NOP14: variants seen among roughly 807,000 people sequenced by gnomAD.
The protein encoded by NOP14 is NOP14 nucleolar protein.
In NOP14, 57 loss-of-function variants were observed where a neutral mutation model predicts 101.6. The observed-to-expected ratio is 0.56, with a 90% CI of 0.45 to 0.70. NOP14 has a LOEUF of 0.70. Among genes scored for constraint, NOP14 ranks in the 30% least tolerant of loss-of-function variants. The probability of loss-of-function intolerance (pLI) is 0.00; values close to 1 mark genes in which losing one functional copy is unlikely to be tolerated. For missense variants in NOP14, 1,134 were observed against 1,075.5 expected (o/e 1.05, Z -0.76); for synonymous variants, 428 against 424.0 (o/e 1.01, Z -0.12).
chr4:2,951,703 C>T (rs1042497525), intron 6 of NOP14, among the ~76,000 whole-genome samples: 1 of 152,206 alleles, frequency 6.6e-6, no homozygotes, highest in Non-Finnish European at 1.5e-5. Flanking sequence ...GCAGCCCACA[C>T]CTGTAACCCC....
intron 11 of NOP14, among the ~76,000 whole-genome samples, chr4:2,946,169 T>TCA (rs747878297): frequency 1.0e-5 from 1 of 97,628 alleles, no homozygotes; most frequent in East Asian, 2.6e-4. Flanking sequence ...TGCCGTGCAC[T>TCA]CTCCAGATCA....
intron 9 of NOP14, among the ~76,000 whole-genome samples, chr4:2,947,920 C>T (rs1405217725): frequency 6.6e-6 from 1 of 152,256 alleles, no homozygotes; most frequent in Non-Finnish European, 1.5e-5. Flanking sequence ...CAGGCAATAT[C>T]CACCATTCAC....
intron 5 of NOP14, 25 bp downstream of exon 5, chr4:2,953,486 G>A: frequency 1.2e-6 from 2 of 1,613,096 alleles, no homozygotes; most frequent in Non-Finnish European, 1.7e-6. Context: ...TGAGTGAAGA[G>A]TTTGTTTCAG....
chr4:2,950,902 G>T, intron 7 of NOP14: 3 of 474,672 alleles, frequency 6.3e-6, no homozygotes, highest in South Asian at 3.0e-5. Context: ...GAAAGAGAGC[G>T]TGAGCAAGTG....
intron 9 of NOP14, 66 bp downstream of exon 9, chr4:2,948,212 T>A: frequency 6.6e-7 from 1 of 1,511,088 alleles, no homozygotes; most frequent in Non-Finnish European, 8.8e-7. Flanking sequence ...CTTCACACAA[T>A]TCTGGCATTC....
At chr4:2,951,081 G>C in intron 7 of NOP14, 33 bp downstream of exon 7, 1 of 1,551,056 alleles carries the variant, frequency 6.4e-7, no homozygotes, top group Non-Finnish European at 8.7e-7. Flanking sequence ...TAAAAAAAGA[G>C]AGAGAAAGAG....
chr4:2,938,989 CCT>C (rs907098070), intron 17 of NOP14, 59 bp from the exon 18 acceptor site: 8 of 1,520,366 alleles, frequency 5.3e-6, no homozygotes, highest in Middle Eastern at 1.7e-4. Context: ...AGCATCTTGC[CCT>C]CTCTCTCCCA....
At chr4:2,944,510 G>A (rs755755310) in intron 12 of NOP14, among the ~76,000 whole-genome samples, 10 of 152,150 alleles carry the variant, frequency 6.6e-5, no homozygotes, top group African/African-American at 2.2e-4. Flanking sequence ...GGGTTCAAGT[G>A]ATTTTCCTGC....
intron 12 of NOP14, 90 bp from the exon 13 acceptor site, chr4:2,944,316 C>T: frequency 8.4e-7 from 1 of 1,196,992 alleles, no homozygotes; most frequent in Non-Finnish European, 1.2e-6. Context: ...AACCACGCAC[C>T]CCACTGAGCT....
Position 2,939,335 on chromosome 4 carries a change from A to G in NOP14, c.2327T>C (p.Phe776Ser), listed in dbSNP as rs1368081416. ...CTTACTACTGCCTTGTTTTCTTCCA[A>G]ACTCGAGGCTACAACCAGAAAGCCA... is the stretch of plus-strand genomic sequence containing the variant. ...FTPRLVKVLE[F>S]GRKQGSSKEE... Residue 776 changes from phenylalanine (F) to serine (S), a missense_variant, in exon 17 of 18, where the codon TTT becomes TCT. Phe to Ser is a radical substitution (Grantham distance 155, BLOSUM62 -2). Coordinates refer to ENST00000416614, the MANE Select transcript of NOP14 (RefSeq NM_001291978.2). The G allele has an allele frequency of 6.2e-7, 1 of 1,613,796 alleles. No homozygotes were observed. Among genetic ancestry groups the G allele is most frequent in the African/African-American group, 1.3e-5 (1 of 74,870 alleles).
intron 6 of NOP14, among the ~76,000 whole-genome samples, chr4:2,951,605 C>T (rs1488193574): frequency 1.3e-5 from 2 of 152,104 alleles, no homozygotes; most frequent in Admixed American, 1.3e-4. Context: ...AGCAGCTCCA[C>T]GGCCTCCACT....
intron 4 of NOP14, 93 bp from the exon 5 acceptor site, chr4:2,953,738 T>C (rs1475975): frequency 0.4 from 578,782 of 1,435,040 alleles, 122,498 homozygotes; most frequent in African/African-American, 0.63. Flanking sequence ...CACACAGTGA[T>C]CACTCAGTTG....
intron 13 of NOP14, 128 bp from the exon 14 acceptor site, chr4:2,942,479 G>A (rs1714284310): frequency 1.0e-6 from 1 of 995,958 alleles, no homozygotes; most frequent in African/African-American, 1.6e-5. Context: ...TTTCTGGGTT[G>A]TGCCAGACAC....
At chr4:2,960,414 T>C (rs886178011) in intron 1 of NOP14, among the ~76,000 whole-genome samples, 2 of 152,148 alleles carry the variant, frequency 1.3e-5, no homozygotes, top group South Asian at 2.1e-4. Context: ...TATGATTCTA[T>C]GGGTAAATCT....
chr4:2,950,936 CTT>C (rs1714987813), intron 7 of NOP14, 176 bp downstream of exon 7: 4 of 572,230 alleles, frequency 7.0e-6, no homozygotes, highest in Non-Finnish European at 1.2e-5. Flanking sequence ...TTGTTAAAGT[CTT>C]CTCTCTAAAG....
At position 2,942,276 on chromosome 4, in the gene NOP14, A is replaced by G. The variant is rs376428719; in HGVS notation, c.1967T>C (p.Val656Ala). The change falls in exon 14 of 18, where the codon GTG (valine) becomes GCG (alanine). Residue 656 changes from valine to alanine, a missense_variant. By Grantham distance (64) the Val-to-Ala change is moderately conservative (BLOSUM62 0). Coordinates refer to ENST00000416614, the MANE Select transcript of NOP14 (RefSeq NM_001291978.2). ...ELLVVSAREDVATWQQSSLSL... is the reference protein window; with the variant it reads ...ELLVVSAREDAATWQQSSLSL... ...GAGGCTGCTCTGCTGCCACGTGGCC[A>G]CATCCTCTCTAGCAGACACCACGAG... is the stretch of plus-strand genomic sequence containing the variant. 22 of 1,614,022 alleles carry G rather than the reference A, an allele frequency of 1.4e-5. No individual in the cohort carries two copies. In the African/African-American group the frequency reaches 2.3e-4, roughly 17 times the overall value.
chr4:2,956,855 T>A, intron 2 of NOP14, 44 bp from the exon 3 acceptor site: 1 of 1,518,122 alleles, frequency 6.6e-7, no homozygotes, highest in African/African-American at 1.4e-5. Flanking sequence ...CCACTTCCAT[T>A]TCACAGCAAA....
At chr4:2,963,090 C>G (rs1560316587) in intron 1 of NOP14, 35 bp downstream of exon 1, 2 of 1,504,860 alleles carry the variant, frequency 1.3e-6, no homozygotes, top group Non-Finnish European at 1.8e-6. Context: ...GGGTCCAGAT[C>G]CTGCCTTCCG....
At chr4:2,958,040 G>A (rs1715470418) in intron 1 of NOP14, among the ~76,000 whole-genome samples, 2 of 152,152 alleles carry the variant, frequency 1.3e-5, no homozygotes, top group Admixed American at 6.5e-5. Flanking sequence ...GGCTCCCTCG[G>A]CTGTAACAGC....
Sources: gnomAD v4.1 joint callset for allele counts (sites outside exome capture counted in the v4.1 genomes callset) on GRCh38, gnomAD v4.1.1 for gene constraint, MANE v1.5 for transcripts, NCBI Gene and HGNC (gene_info 2026-07-23, HGNC 2026-07-21) for gene names.